The following JAKMIP2 variants were observed in gnomAD, a reference collection of about 807,000 sequenced individuals.
The protein encoded by JAKMIP2 is janus kinase and microtubule interacting protein 2, also known as janus kinase and microtubule-interacting protein 2.
A neutral mutation model predicts 115.0 loss-of-function variants in JAKMIP2; 25 were observed. The ratio of observed to expected loss-of-function variants is 0.22; its 90% CI spans 0.16 to 0.30. The LOEUF (loss-of-function observed/expected upper bound fraction) is 0.30, where lower values mean the gene tolerates loss of function less well. Among genes scored for constraint, JAKMIP2 ranks in the 10% least tolerant of loss-of-function variants. The pLI is 1.00. For missense variants in JAKMIP2, 642 were observed against 957.6 expected (o/e 0.67, Z 4.35); for synonymous variants, 334 against 343.6 (o/e 0.97, Z 0.31).
At chr5:147,721,624 A>G (rs1291879537) in intron 1 of JAKMIP2, among the ~76,000 whole-genome samples, 1 of 152,058 alleles carries the variant, frequency 6.6e-6, no homozygotes, top group Non-Finnish European at 1.5e-5. Flanking sequence ...AGGTGCCGTC[A>G]GTCACCCCTT....
chr5:147,742,408 C>G (rs1191570311), intron 1 of JAKMIP2, among the ~76,000 whole-genome samples: 1 of 151,992 alleles, frequency 6.6e-6, no homozygotes, highest in Non-Finnish European at 1.5e-5. Context: ...TGTTCTCATT[C>G]CTACCTTCCT....
At position 147,586,012 on chromosome 5, in the gene JAKMIP2, C is replaced by T. The variant is rs931669743; in HGVS notation, c.*5695G>A. On this transcript the variant is annotated 3_prime_UTR_variant, in exon 22 of 22. Coordinates refer to ENST00000616793, the MANE Select transcript of JAKMIP2 (RefSeq NM_001270941.2). ...AACCAACCAAACAAATAAAAAAAACCTATTTGCTGGTTTATGGGCCTGGAT... is the reference window on the plus strand; with the variant it reads ...AACCAACCAAACAAATAAAAAAAACTTATTTGCTGGTTTATGGGCCTGGAT... 4 of 151,438 alleles carry T rather than the reference C, an allele frequency of 2.6e-5. No individual in the cohort carries two copies. The highest frequency in any genetic ancestry group is 9.7e-5 in the African/African-American group (4 of 41,274). The allele number at this position is 151,438 out of a possible 1,614,324, so 9.4% of individuals were successfully genotyped here.
intron 1 of JAKMIP2, among the ~76,000 whole-genome samples, chr5:147,692,521 A>C (rs1751906696): frequency 1.3e-5 from 2 of 152,264 alleles, no homozygotes; most frequent in African/African-American, 4.8e-5. Flanking sequence ...TTTCTAAATA[A>C]CATGTATCAC....
At chr5:147,631,331 A>G in intron 14 of JAKMIP2, 82 bp downstream of exon 14, 1 of 774,888 alleles carries the variant, frequency 1.3e-6, no homozygotes, top group Non-Finnish European at 2.1e-6. Context: ...CTGAAAGACA[A>G]AATAGTCGTA....
At chr5:147,625,973 A>G (rs575929691) in intron 16 of JAKMIP2, among the ~76,000 whole-genome samples, 1 of 152,240 alleles carries the variant, frequency 6.6e-6, no homozygotes, top group East Asian at 1.9e-4. Flanking sequence ...ATATGTTCTC[A>G]CTCAAGGTCA....
At chr5:147,633,489 TCTTAAGCATTAGCA>T (rs1275031980) in intron 12 of JAKMIP2, among the ~76,000 whole-genome samples, 3 of 152,110 alleles carry the variant, frequency 2.0e-5, no homozygotes, top group Non-Finnish European at 4.4e-5. Context: ...AAAGCTAAGC[TCTTAAGCATTAGCA>T]CTTAAATAAG....
chr5:147,633,888 C>T (rs750865353), intron 12 of JAKMIP2, among the ~76,000 whole-genome samples: 19 of 152,042 alleles, frequency 1.2e-4, no homozygotes, highest in Non-Finnish European at 1.6e-4. Context: ...CAGGGTTTCA[C>T]CACGTTGGCC....
At position 147,588,956 on chromosome 5, in the gene JAKMIP2, A is replaced by G. The variant is rs1170009003; in HGVS notation, c.*2751T>C. 6.6e-6 allele frequency: 1 copy of G among 152,176 alleles called. No individual in the cohort carries two copies. Among genetic ancestry groups the G allele is most frequent in the Non-Finnish European group, 1.5e-5 (1 of 68,026 alleles). The allele number at this position is 152,176 out of a possible 1,614,324, so 9.4% of individuals were successfully genotyped here. A position where few individuals can be genotyped will look rare whatever the true frequency, so the allele number is the denominator to read the frequency against. ...GAGCAGACGGAATATAGATTTACTC[A>G]TATGGGCCCTGCAACAGAAAGTGAA... is the stretch of plus-strand genomic sequence containing the variant. On this transcript the variant is annotated 3_prime_UTR_variant, in exon 22 of 22. Coordinates refer to ENST00000616793, the MANE Select transcript of JAKMIP2 (RefSeq NM_001270941.2).
intron 1 of JAKMIP2, among the ~76,000 whole-genome samples, chr5:147,688,562 T>G (rs1456570265): frequency 2.0e-5 from 3 of 152,216 alleles, no homozygotes; most frequent in Non-Finnish European, 4.4e-5. Flanking sequence ...TATTTCCCTT[T>G]TAATCATTCA....
intron 1 of JAKMIP2, among the ~76,000 whole-genome samples, chr5:147,760,539 A>G (rs193124662): frequency 4.2e-4 from 64 of 152,234 alleles, no homozygotes; most frequent in African/African-American, 1.5e-3. Context: ...ATGACTTTAG[A>G]ATTAAGCATC....
At position 147,591,697 on chromosome 5, in the gene JAKMIP2, GA is replaced by G. The variant is rs775199602; in HGVS notation, c.*21-12del. On this transcript the variant is annotated splice_polypyrimidine_tract_variant and intron_variant, in intron 21 of 21. Coordinates refer to ENST00000616793, the MANE Select transcript of JAKMIP2 (RefSeq NM_001270941.2). ...ATGTTTTCGGTTACTCTGCAAAACA[GA>G]GGAAAAAAATTATTTATATATCAAT... 4 of 1,531,672 alleles carry G rather than the reference GA, an allele frequency of 2.6e-6. No individual in the cohort carries two copies. The South Asian group carries it at 3.6e-5, about 14-fold the overall frequency. The allele number at this position is 1,531,672 out of a possible 1,614,324, so 94.9% of individuals were successfully genotyped here.
intron 1 of JAKMIP2, among the ~76,000 whole-genome samples, chr5:147,779,579 A>T (rs1390344321): frequency 6.6e-6 from 1 of 152,144 alleles, no homozygotes; most frequent in Non-Finnish European, 1.5e-5. Context: ...AAGGGCTCTT[A>T]TGAACAGGTA....
chr5:147,690,882 A>G (rs1210978471), intron 1 of JAKMIP2, among the ~76,000 whole-genome samples: 1 of 152,056 alleles, frequency 6.6e-6, no homozygotes. Context: ...GGAAATGCTG[A>G]GACCCTTTGG....
chr5:147,616,320 A>G (rs1439987450), intron 19 of JAKMIP2, among the ~76,000 whole-genome samples: 3 of 152,224 alleles, frequency 2.0e-5, no homozygotes, highest in Non-Finnish European at 2.9e-5. Context: ...GGCATATTCT[A>G]ATGAACATTT....
At chr5:147,701,663 C>G (rs1752329867) in intron 1 of JAKMIP2, among the ~76,000 whole-genome samples, 1 of 152,144 alleles carries the variant, frequency 6.6e-6, no homozygotes, top group Non-Finnish European at 1.5e-5. Flanking sequence ...GTCCTTCACA[C>G]AGCACCAAAT....
chr5:147,759,079 T>G (rs192022534), intron 1 of JAKMIP2, among the ~76,000 whole-genome samples: 32 of 152,248 alleles, frequency 2.1e-4, no homozygotes, highest in Admixed American at 1.8e-3. Flanking sequence ...CTTTTGATCC[T>G]ATTTCCATGG....
intron 18 of JAKMIP2, among the ~76,000 whole-genome samples, chr5:147,619,752 C>T (rs1581301782): frequency 6.6e-6 from 1 of 152,064 alleles, no homozygotes. Context: ...AGCCCATTTA[C>T]CATGGAAGCC....
intron 21 of JAKMIP2, among the ~76,000 whole-genome samples, chr5:147,600,500 C>T (rs1053969120): frequency 1.3e-5 from 2 of 152,048 alleles, no homozygotes; most frequent in Admixed American, 1.3e-4. Flanking sequence ...GTTAAATCAC[C>T]TGAGGTCCAG....
At chr5:147,766,545 T>C (rs765929460) in intron 1 of JAKMIP2, among the ~76,000 whole-genome samples, 1 of 152,134 alleles carries the variant, frequency 6.6e-6, no homozygotes, top group Non-Finnish European at 1.5e-5. Context: ...TCTAAACAAA[T>C]CAGAGCTGGG....
Sources: allele counts gnomAD v4.1 joint callset (sites outside exome capture counted in the v4.1 genomes callset), GRCh38; gene constraint gnomAD v4.1.1; transcripts MANE v1.5; gene names NCBI Gene and HGNC (gene_info 2026-07-23, HGNC 2026-07-21).